The following SLC52A1 variants were observed in gnomAD, a reference collection of about 807,000 sequenced individuals.
The protein encoded by SLC52A1 is solute carrier family 52 member 1.
Under a neutral mutation model 23.2 loss-of-function variants are expected in SLC52A1, and 20 were observed. That is an observed-to-expected ratio of 0.86 (90% CI 0.61 to 1.25). The LOEUF (loss-of-function observed/expected upper bound fraction) is 1.25, where lower values mean the gene tolerates loss of function less well. Among genes scored for constraint, SLC52A1 ranks in the 50% most tolerant of loss-of-function variants. The pLI, the probability that SLC52A1 is intolerant of heterozygous loss-of-function variation, is 0.00. For synonymous variants in SLC52A1, 260 were observed against 256.6 expected (o/e 1.01, Z -0.13); for missense variants, 528 against 557.0 (o/e 0.95, Z 0.52).
upstream of SLC52A1, among the ~76,000 whole-genome samples, chr17:5,037,085 G>A (rs1018153832): frequency 6.6e-6 from 1 of 152,154 alleles, no homozygotes; most frequent in African/African-American, 2.4e-5. Context: ...GGAGGTCAAG[G>A]CTGCAATGAG....
chr17:5,038,171 C>G (rs529685766), upstream of SLC52A1, among the ~76,000 whole-genome samples: 59 of 151,962 alleles, frequency 3.9e-4, no homozygotes, highest in African/African-American at 1.4e-3. Flanking sequence ...CCGCCCGCCT[C>G]AGCCTCCCAA....
In SLC52A1 at chr17:5,034,358, C is replaced by G. The variant is rs754509853; in HGVS notation, c.131G>C (p.Gly44Ala). The G allele has an allele frequency of 6.3e-7, 1 of 1,580,962 alleles. No individual in the cohort carries two copies. The highest frequency in any genetic ancestry group is 1.2e-5 in the South Asian group (1 of 85,810). Reference protein sequence around the residue: ...LPVVVKDLPEGWSLPSYLSVV... With the variant: ...LPVVVKDLPEAWSLPSYLSVV... ...AGAGAGGTATGAGGGGAGGCTCCAA[C>G]CTGCAGGGAAGGAATGATGCCATGT... Residue 44 changes from glycine to alanine, a missense_variant and splice_region_variant, in exon 3 of 5, where the codon GGT becomes GCT. Physicochemically the swap from Gly to Ala is moderately conservative, Grantham distance 60. Coordinates refer to ENST00000254853, the MANE Select transcript of SLC52A1 (RefSeq NM_017986.4).
rs1478737781 is a variant in SLC52A1, at chr17:5,033,246, T to C, written c.1134+15A>G. 1 of 1,613,188 alleles carries C rather than the reference T, an allele frequency of 6.2e-7. No individual in the cohort carries two copies. The highest frequency in any genetic ancestry group is 2.2e-5 in the East Asian group (1 of 44,814). ...GGGACACCCTCCTCCCCACTTCATG[T>C]CTCCACTTGCTCACCACAAGGACCA... On this transcript the variant is annotated intron_variant, in intron 4 of 4. Transcript: ENST00000254853.
upstream of SLC52A1, among the ~76,000 whole-genome samples, chr17:5,037,611 T>G (rs1975487886): frequency 6.6e-6 from 1 of 152,184 alleles, no homozygotes; most frequent in South Asian, 2.1e-4. Flanking sequence ...CTACACCTGC[T>G]TTCCTGCTAT....
At chr17:5,039,458 A>G (rs932560487), upstream of SLC52A1, among the ~76,000 whole-genome samples, 1 of 152,032 alleles carries the variant, frequency 6.6e-6, no homozygotes, top group East Asian at 1.9e-4. Flanking sequence ...CCTTGGCCAA[A>G]CACCCTGCCA....
Position 5,032,682 on chromosome 17 carries a change from G to T in SLC52A1, c.*275C>A. The T allele has an allele frequency of 2.7e-6, 1 of 367,192 alleles. No homozygotes were observed. Among genetic ancestry groups the T allele is most frequent in the Non-Finnish European group, 4.9e-6 (1 of 202,428 alleles). 22.7% of individuals were successfully genotyped at this position (367,192 alleles called of 1,614,324 possible). On this transcript the variant is annotated 3_prime_UTR_variant, in exon 5 of 5. Transcript: ENST00000254853. The stretch of plus-strand genomic sequence containing the variant: ...AGGTTTTCATTAGGCTTTTGTTTTT[G>T]TTTTTGGTTTTAAATAAAAACACTT...
chr17:5,035,829 C>A (rs541918399), upstream of SLC52A1, among the ~76,000 whole-genome samples: 12 of 151,166 alleles, frequency 7.9e-5, no homozygotes, highest in East Asian at 1.9e-4. Context: ...CCCACCCCCC[C>A]ACAAGTAGCT....
upstream of SLC52A1, among the ~76,000 whole-genome samples, chr17:5,036,021 A>G (rs1975447062): frequency 7.1e-6 from 1 of 140,086 alleles, no homozygotes; most frequent in Non-Finnish European, 1.5e-5. Context: ...AGCTACCGCC[A>G]CGCTCAGCTG....
upstream of SLC52A1, among the ~76,000 whole-genome samples, chr17:5,038,747 C>T (rs975210562): frequency 1.2e-4 from 18 of 151,956 alleles, no homozygotes; most frequent in Admixed American, 3.3e-4. Context: ...CCACCACACC[C>T]GGCTAATTTT....
Position 5,032,873 on chromosome 17 carries a change from T to A in SLC52A1, c.*84A>T, listed in dbSNP as rs1975343119. On this transcript the variant is annotated 3_prime_UTR_variant, in exon 5 of 5. Transcript: ENST00000254853. ...GAGCGTTCCTGTGTTGGGGGAAGCC[T>A]GCCTGGGCCACAAGTAGTCAGGCAC... 5.3e-6 allele frequency: 7 copies of A among 1,316,628 alleles called. No individual in the cohort carries two copies. Among genetic ancestry groups the A allele is most frequent in the Middle Eastern group, 1.9e-4 (1 of 5,340 alleles). The allele number at this position is 1,316,628 out of a possible 1,614,324, so 81.6% of individuals were successfully genotyped here.
rs1346584029 is a variant in SLC52A1 at position 5,035,002 on chromosome 17, A to G, written c.-249T>C. The G allele has an allele frequency of 1.3e-5, 3 of 228,154 alleles. No homozygotes were observed. The highest frequency in any genetic ancestry group is 2.2e-5 in the African/African-American group (1 of 45,250). 14.1% of individuals were successfully genotyped at this position (228,154 alleles called of 1,614,324 possible). A position where few individuals can be genotyped will look rare whatever the true frequency, so the allele number is the denominator to read the frequency against. On this transcript the variant is annotated 5_prime_UTR_variant, in exon 1 of 5. Coordinates refer to ENST00000254853, the MANE Select transcript of SLC52A1 (RefSeq NM_017986.4). ...CCTACCCACAGAGGACCCGGGGTCC[A>G]AGTTGTCAAAACAGCTCAGCACTGG...
At chr17:5,041,455 TTTTG>T (rs924387053) in intron 1 of SLC52A1, among the ~76,000 whole-genome samples, 4 of 151,460 alleles carry the variant, frequency 2.6e-5, no homozygotes, top group South Asian at 2.1e-4. Flanking sequence ...GCGAATTTTT[TTTTG>T]TTTCTTTGTT....
chr17:5,039,252 G>A (rs1191025658), upstream of SLC52A1, among the ~76,000 whole-genome samples: 6 of 151,636 alleles, frequency 4.0e-5, no homozygotes, highest in Non-Finnish European at 4.4e-5. Context: ...GAACTCAGGA[G>A]GCGGAGGTCA....
chr17:5,033,732 A>G lies in SLC52A1; in HGVS notation c.757T>C (p.Leu253=). 6.2e-7 allele frequency: 1 copy of G among 1,614,064 alleles called. No individual in the cohort carries two copies. The highest frequency in any genetic ancestry group is 2.2e-5 in the East Asian group (1 of 44,876). ...GCTGCCTGGCTCGGTGGCTCCTGCA[A>G]TGGCAAAGCCTCTTCTTCCTCCTTC... ...EEKEEEEALP[L]QEPPSQAAGT... The change falls in exon 3 of 5, where the codon TTG becomes CTG. Residue 253 remains leucine, a synonymous_variant. Coordinates refer to ENST00000254853, the MANE Select transcript of SLC52A1 (RefSeq NM_017986.4).
upstream of SLC52A1, among the ~76,000 whole-genome samples, chr17:5,037,762 C>G (rs1975490180): frequency 6.6e-6 from 1 of 152,084 alleles, no homozygotes; most frequent in African/African-American, 2.4e-5. Flanking sequence ...GGCACTTTGT[C>G]TATTTCACTA....
intron 1 of SLC52A1, among the ~76,000 whole-genome samples, chr17:5,040,519 G>A (rs1199037236): frequency 6.6e-6 from 1 of 152,106 alleles, no homozygotes; most frequent in Non-Finnish European, 1.5e-5. Flanking sequence ...CAAATGATAA[G>A]ATCTGTCATT....
chr17:5,036,040 CTTTTTTTT>C (rs34027393), upstream of SLC52A1, among the ~76,000 whole-genome samples: 7,249 of 70,042 alleles, frequency 0.1, 380 homozygotes, highest in African/African-American at 0.22. Flanking sequence ...TGTTTTTACA[CTTTTTTTT>C]TTTTTTTTTT....
intron 1 of SLC52A1, among the ~76,000 whole-genome samples, chr17:5,041,135 G>A (rs1237907417): frequency 6.6e-6 from 1 of 152,058 alleles, no homozygotes; most frequent in East Asian, 1.9e-4. Context: ...GCCCAGGCTG[G>A]AGTCCAGTGG....
Position 5,033,507 on chromosome 17 carries a change from A to C in SLC52A1, c.982T>G (p.Cys328Gly). ...CACAGCACGCCCATGGCCAGGAAGC[A>C]GGCAAGGGGGTTGGCGGCACTGCCC... ...VLGSAANPLA[C>G]FLAMGVLCRS... Residue 328 changes from cysteine to glycine, a missense_variant, in exon 3 of 5, where the codon TGC becomes GGC. By Grantham distance (159) the Cys-to-Gly change is radical (BLOSUM62 -3). Transcript: ENST00000254853. 1 of 1,612,546 alleles carries C rather than the reference A, an allele frequency of 6.2e-7. No individual in the cohort carries two copies. Among genetic ancestry groups the C allele is most frequent in the East Asian group, 2.2e-5 (1 of 44,870 alleles).
Sources: allele counts gnomAD v4.1 joint callset (sites outside exome capture counted in the v4.1 genomes callset), GRCh38; gene constraint gnomAD v4.1.1; transcripts MANE v1.5; gene names NCBI Gene and HGNC (gene_info 2026-07-23, HGNC 2026-07-21).